Variants in MDGA1 observed in about 807,000 individuals in gnomAD.
MDGA1 encodes MAM domain containing glycosylphosphatidylinositol anchor 1.
A neutral mutation model predicts 101.5 loss-of-function variants in MDGA1; 54 were observed. The observed-to-expected ratio is 0.53, with a 90% CI of 0.43 to 0.67. The LOEUF (loss-of-function observed/expected upper bound fraction) is 0.67, where lower values mean the gene tolerates loss of function less well. Ranked by LOEUF, MDGA1 falls within the 30% of genes least tolerant of loss-of-function variation. MDGA1 has a pLI of 0.00. For synonymous variants in MDGA1, 533 were observed against 558.3 expected (o/e 0.95, Z 0.64); for missense variants, 1,083 against 1,323.8 (o/e 0.82, Z 2.82).
intron 12 of MDGA1, among the ~76,000 whole-genome samples, chr6:37,645,304 C>T (rs963800965): frequency 5.9e-5 from 9 of 152,112 alleles, no homozygotes; most frequent in African/African-American, 1.7e-4. Context: ...GAGGCCGAGG[C>T]GGGTGGATCA....
At chr6:37,669,845 C>G (rs1174455984) in intron 1 of MDGA1, among the ~76,000 whole-genome samples, 1 of 152,210 alleles carries the variant, frequency 6.6e-6, no homozygotes, top group African/African-American at 2.4e-5. Flanking sequence ...GAAAAGCAAA[C>G]AAGAGATGGC....
At position 37,658,388 on chromosome 6, in the gene MDGA1, G is replaced by A. The variant is rs1187172146; in HGVS notation, c.239C>T (p.Ser80Leu). The A allele has an allele frequency of 3.7e-6, 6 of 1,611,324 alleles. No individual in the cohort carries two copies. In the East Asian group the frequency reaches 6.7e-5, roughly 18 times the overall value. ...VRWTKTAGSA[S>L]DKFQETSVFN... Reference sequence around the variant, plus strand: ...CACCGATGTCTCCTGGAACTTGTCCGAGGCGCTACCTGCCGTCTTGGTCCA... The same window carrying A: ...CACCGATGTCTCCTGGAACTTGTCCAAGGCGCTACCTGCCGTCTTGGTCCA... The change falls in exon 3 of 17, where the codon TCG becomes TTG. Residue 80 changes from serine (S) to leucine (L), a missense_variant. Physicochemically the swap from Ser to Leu is moderately radical, Grantham distance 145. Coordinates refer to ENST00000434837, the MANE Select transcript of MDGA1 (RefSeq NM_153487.4).
In MDGA1 at chr6:37,654,949, C is replaced by A; in HGVS notation, c.580-17G>T. ...GGTCTCCCCCTGGGCAGCAGTGGAC[C>A]ACTGGGGTGAGGTGCCTGCTTGAGT... On this transcript the variant is annotated splice_polypyrimidine_tract_variant and intron_variant, in intron 4 of 16. Transcript: ENST00000434837. 1 of 1,612,092 alleles carries A rather than the reference C, an allele frequency of 6.2e-7. No individual in the cohort carries two copies. Among genetic ancestry groups the A allele is most frequent in the Admixed American group, 1.7e-5 (1 of 59,924 alleles).
At chr6:37,683,885 C>T (rs1307295892) in intron 1 of MDGA1, among the ~76,000 whole-genome samples, 3 of 152,382 alleles carry the variant, frequency 2.0e-5, no homozygotes, top group Middle Eastern at 3.4e-3. Flanking sequence ...GCAACCCAAA[C>T]TAAGACTATG....
Position 37,655,214 on chromosome 6 carries a change from C to T in MDGA1, c.580-282G>A, listed in dbSNP as rs1022964941. The T allele has an allele frequency of 6.3e-5, 31 of 492,460 alleles. No individual in the cohort carries two copies. The highest frequency in any genetic ancestry group is 2.7e-4 in the South Asian group (10 of 36,712). 30.5% of individuals were successfully genotyped at this position (492,460 alleles called of 1,614,324 possible). ...GCCTTGGTTTCTCCAGTCTGGGAAACGGAGGGGTAAGAAGGGAACTTACTC... is the reference window on the plus strand; with the variant it reads ...GCCTTGGTTTCTCCAGTCTGGGAAATGGAGGGGTAAGAAGGGAACTTACTC... On this transcript the variant is annotated intron_variant, in intron 4 of 16. Coordinates refer to ENST00000434837, the MANE Select transcript of MDGA1 (RefSeq NM_153487.4). The surrounding 1 kb of genome is among the most constrained non-coding windows in gnomAD (Gnocchi z 5.1).
intron 7 of MDGA1, 91 bp from the exon 8 acceptor site, chr6:37,650,496 T>C (rs1230872280): frequency 1.5e-6 from 2 of 1,307,582 alleles, no homozygotes; most frequent in Non-Finnish European, 2.0e-6. Context: ...TACCTCCCGC[T>C]AGGGGCAAGC....
intron 3 of MDGA1, 114 bp downstream of exon 3, chr6:37,658,131 G>A: frequency 2.4e-6 from 3 of 1,246,472 alleles, no homozygotes; most frequent in Non-Finnish European, 1.1e-6. Flanking sequence ...CTCCACCAAG[G>A]TCAGCTTCTC....
intron 7 of MDGA1, 37 bp from the exon 8 acceptor site, chr6:37,650,442 CG>C: frequency 1.4e-6 from 2 of 1,476,870 alleles, no homozygotes; most frequent in Non-Finnish European, 1.8e-6. Context: ...GAGGTAGGAG[CG>C]GAGTTAGAGC....
chr6:37,643,918 C>T lies in MDGA1; in HGVS notation c.2427G>A (p.Ser809=), dbSNP rs766673212. The T allele has an allele frequency of 2.5e-6, 4 of 1,613,892 alleles. No homozygotes were observed. The highest frequency in any genetic ancestry group is 1.1e-5 in the South Asian group (1 of 91,074). ...CACGGTCCCCCAGCTCCCGAGGCCT[C>T]GATGTCTCGATGAACATGTAGTAGC... ...PEGYYMFIET[S]RPRELGDRAR... The change falls in exon 14 of 17, where the codon TCG becomes TCA. Residue 809 remains serine, a synonymous_variant. Coordinates refer to ENST00000434837, the MANE Select transcript of MDGA1 (RefSeq NM_153487.4).
rs1289804771 is a variant in MDGA1 at position 37,652,349 on chromosome 6, G to A, written c.983-9C>T. ...TGTAGCGTTCTTCATGGCTGTGAGT[G>A]GATGGGGAGGGAAGGGTAGTTGGGG... On this transcript the variant is annotated splice_polypyrimidine_tract_variant and intron_variant, in intron 6 of 16. Coordinates refer to ENST00000434837, the MANE Select transcript of MDGA1 (RefSeq NM_153487.4). The surrounding 1 kb of genome is among the most constrained non-coding windows in gnomAD (Gnocchi z 4.3). 6.3e-7 allele frequency: 1 copy of A among 1,588,560 alleles called. No individual in the cohort carries two copies. The highest frequency in any genetic ancestry group is 2.3e-5 in the East Asian group (1 of 44,008).
At chr6:37,656,352 AG>A (rs1248232902) in intron 3 of MDGA1, among the ~76,000 whole-genome samples, 1 of 150,288 alleles carries the variant, frequency 6.7e-6, no homozygotes, top group African/African-American at 2.5e-5. Context: ...CTGGGATTAT[AG>A]GCATCAGCCA....
chr6:37,639,311 T>G (rs1264826909), intron 14 of MDGA1: 1 of 152,648 alleles, frequency 6.6e-6, no homozygotes, highest in Non-Finnish European at 1.5e-5. Context: ...TTGAACTGCA[T>G]CTAAGGAAGA....
rs1047117411 is a variant in MDGA1, at chr6:37,644,484, G to A, written c.2401+13C>T. ...AGCAATCCTCCATTTCTGGCAGCAGGCCAGGTCCTCACCCTCAGGGGTGCC... is the reference window on the plus strand; with the variant it reads ...AGCAATCCTCCATTTCTGGCAGCAGACCAGGTCCTCACCCTCAGGGGTGCC... On this transcript the variant is annotated intron_variant, in intron 13 of 16. Transcript: ENST00000434837. The A allele has an allele frequency of 1.3e-6, 2 of 1,543,996 alleles. No individual in the cohort carries two copies. The highest frequency in any genetic ancestry group is 2.8e-5 in the African/African-American group (2 of 72,312).
At chr6:37,666,023 G>A (rs1761742324) in intron 1 of MDGA1, among the ~76,000 whole-genome samples, 1 of 152,104 alleles carries the variant, frequency 6.6e-6, no homozygotes, top group African/African-American at 2.4e-5. Context: ...TATTAGGATG[G>A]CTACCCCATA....
chr6:37,691,678 A>G lies in MDGA1; in HGVS notation c.67+5067T>C, dbSNP rs138612951. ...TGAGATTTCATTGTTGAAAAACAAA[A>G]ATATTCATTCCTTTGAGCTAAGCCT... On this transcript the variant is annotated intron_variant, in intron 1 of 16. Coordinates refer to ENST00000434837, the MANE Select transcript of MDGA1 (RefSeq NM_153487.4). Among the ~76,000 whole-genome samples, 121 of 152,382 alleles carry G rather than the reference A, an allele frequency of 7.9e-4. 1 individual carries two copies. Among genetic ancestry groups the G allele is most frequent in the Admixed American group, 7.8e-3 (120 of 15,308 alleles).
chr6:37,649,043 G>A lies in MDGA1; in HGVS notation c.1833C>T (p.Gly611=). 1 of 1,546,018 alleles carries A rather than the reference G, an allele frequency of 6.5e-7. No homozygotes were observed. Among genetic ancestry groups the A allele is most frequent in the Non-Finnish European group, 8.7e-7 (1 of 1,145,958 alleles). ...RLDAVTRDSS[G]SYECSVSNDV... Reference sequence around the variant, plus strand: ...CGTTGGAGACGCTGCACTCGTAGCTGCCGCTGCTGTCGCGAGTTACGGCGT... The same window carrying A: ...CGTTGGAGACGCTGCACTCGTAGCTACCGCTGCTGTCGCGAGTTACGGCGT... The change falls in exon 9 of 17, where the codon GGC becomes GGT. Residue 611 remains glycine, a synonymous_variant. Coordinates refer to ENST00000434837, the MANE Select transcript of MDGA1 (RefSeq NM_153487.4).
intron 1 of MDGA1, among the ~76,000 whole-genome samples, chr6:37,689,372 G>A (rs1022329734): frequency 2.0e-5 from 3 of 152,110 alleles, no homozygotes; most frequent in Non-Finnish European, 2.9e-5. Flanking sequence ...TTGTCCACCC[G>A]ATTTGTCGAT....
intron 7 of MDGA1, among the ~76,000 whole-genome samples, chr6:37,651,582 A>G (rs929172119): frequency 6.8e-6 from 1 of 148,138 alleles, no homozygotes; most frequent in African/African-American, 2.5e-5. Flanking sequence ...CTATGAGCCA[A>G]ATGGAGGAAA....
Position 37,655,035 on chromosome 6 carries a change from A to G in MDGA1, c.580-103T>C, listed in dbSNP as rs1761453821. ...AGAGCCTACCACAAATGCCTGTCTAATTCCTCTCTTTCCATCCCCAACCCC... is the reference window on the plus strand; with the variant it reads ...AGAGCCTACCACAAATGCCTGTCTAGTTCCTCTCTTTCCATCCCCAACCCC... On this transcript the variant is annotated intron_variant, in intron 4 of 16. Coordinates refer to ENST00000434837, the MANE Select transcript of MDGA1 (RefSeq NM_153487.4). The surrounding 1 kb of genome is among the most constrained non-coding windows in gnomAD (Gnocchi z 5.1). 3 of 1,415,402 alleles carry G rather than the reference A, an allele frequency of 2.1e-6. No homozygotes were observed. In the Admixed American group the frequency reaches 6.5e-5, roughly 31 times the overall value. 87.7% of individuals were successfully genotyped at this position (1,415,402 alleles called of 1,614,324 possible).
Sources: gnomAD v4.1 joint callset for allele counts (sites outside exome capture counted in the v4.1 genomes callset) on GRCh38, gnomAD v4.1.1 for gene constraint, Gnocchi (gnomAD v3.1) non-coding constraint, MANE v1.5 for transcripts, NCBI Gene and HGNC (gene_info 2026-07-23, HGNC 2026-07-21) for gene names.